KCNIP4: variants seen among roughly 807,000 people sequenced by gnomAD.
The protein encoded by KCNIP4 is Kv channel-interacting protein 4.
In KCNIP4, 12 loss-of-function variants were observed where a neutral mutation model predicts 34.0. The ratio of observed to expected loss-of-function variants is 0.35; its 90% CI spans 0.23 to 0.57. The LOEUF is 0.57. Among genes scored for constraint, KCNIP4 ranks in the 20% least tolerant of loss-of-function variants. The pLI is 0.83. For missense variants in KCNIP4, 238 were observed against 311.7 expected (o/e 0.76, Z 1.78); for synonymous variants, 124 against 102.2 (o/e 1.21, Z -1.29).
intron 4 of KCNIP4, among the ~76,000 whole-genome samples, chr4:20,754,298 A>G (rs1478933314): frequency 1.3e-5 from 2 of 152,198 alleles, no homozygotes; most frequent in African/African-American, 4.8e-5. Flanking sequence ...CACAATACAA[A>G]TTGCAGAGAG....
chr4:20,749,800 G>T, intron 4 of KCNIP4, 68 bp from the exon 5 acceptor site: 1 of 1,005,152 alleles, frequency 9.9e-7, no homozygotes, highest in Non-Finnish European at 1.5e-6. Flanking sequence ...TTGGATAGCA[G>T]TCCAAGCTTC....
intron 1 of KCNIP4, among the ~76,000 whole-genome samples, chr4:20,890,500 A>G (rs1725812256): frequency 1.3e-5 from 2 of 152,194 alleles, no homozygotes; most frequent in Middle Eastern, 3.2e-3. Flanking sequence ...TATATTAGGT[A>G]CTAATATATA....
intron 2 of KCNIP4, among the ~76,000 whole-genome samples, chr4:20,862,254 G>T (rs1020340102): frequency 1.8e-4 from 28 of 151,996 alleles, no homozygotes; most frequent in African/African-American, 6.3e-4. Context: ...CTCCCAAAGT[G>T]CTGGGATAAC....
chr4:21,150,467 C>G (rs1307763327), intron 1 of KCNIP4, among the ~76,000 whole-genome samples: 1 of 144,840 alleles, frequency 6.9e-6, no homozygotes, highest in African/African-American at 2.9e-5. Context: ...CTGGTTCCAA[C>G]CTGGGGACAC....
intron 1 of KCNIP4, among the ~76,000 whole-genome samples, chr4:21,829,561 G>A (rs1722858650): frequency 6.6e-6 from 1 of 151,762 alleles, no homozygotes; most frequent in Admixed American, 6.6e-5. Flanking sequence ...TAGAATACAA[G>A]GACTAAGAAA....
At chr4:21,408,248 G>A (rs1257762455) in intron 1 of KCNIP4, among the ~76,000 whole-genome samples, 1 of 152,176 alleles carries the variant, frequency 6.6e-6, no homozygotes, top group Admixed American at 6.5e-5. Context: ...TTGACATTCA[G>A]AGCCTTCCCA....
chr4:21,028,339 T>C, intron 1 of KCNIP4, among the ~76,000 whole-genome samples: 2 of 152,202 alleles, frequency 1.3e-5, no homozygotes, highest in East Asian at 3.9e-4. Context: ...TTGTCACCTC[T>C]CTACTCAAAA....
Position 21,685,571 on chromosome 4 carries a change from G to A in KCNIP4, c.61+263000C>T, listed in dbSNP as rs574801390. Among the ~76,000 whole-genome samples the A allele has an allele frequency of 2.8e-4, 42 of 152,276 alleles. 1 individual carries two copies. The South Asian group carries it at 7.2e-3, about 26-fold the overall frequency. Reference sequence around the variant, plus strand: ...GGAATGGGAGAGTAATAATCAGTACGTGGACCAATTAGCTGTTATGACCTT... The same window carrying A: ...GGAATGGGAGAGTAATAATCAGTACATGGACCAATTAGCTGTTATGACCTT... On this transcript the variant is annotated intron_variant, in intron 1 of 8. Transcript: ENST00000382152.
At chr4:21,648,280 T>C (rs1316931119) in intron 1 of KCNIP4, among the ~76,000 whole-genome samples, 1 of 152,152 alleles carries the variant, frequency 6.6e-6, no homozygotes, top group East Asian at 1.9e-4. Flanking sequence ...TAAAGCAATT[T>C]CTACTTTAAG....
chr4:21,947,904 C>A (rs1730594320), intron 1 of KCNIP4, among the ~76,000 whole-genome samples: 1 of 152,260 alleles, frequency 6.6e-6, no homozygotes. Context: ...CAAAACATTT[C>A]TCCCTGCTTT....
chr4:21,427,209 T>C (rs1025882361), intron 1 of KCNIP4, among the ~76,000 whole-genome samples: 1 of 152,136 alleles, frequency 6.6e-6, no homozygotes, highest in African/African-American at 2.4e-5. Context: ...AGGTATGATT[T>C]ACTTTTCCTA....
intron 1 of KCNIP4, among the ~76,000 whole-genome samples, chr4:21,389,823 A>G (rs1321057255): frequency 3.3e-5 from 5 of 152,092 alleles, no homozygotes; most frequent in South Asian, 2.1e-4. Flanking sequence ...ACCCAGTAAT[A>G]GGATGGCTGG....
chr4:20,823,145 T>C (rs973706180), intron 3 of KCNIP4, among the ~76,000 whole-genome samples: 2 of 152,118 alleles, frequency 1.3e-5, no homozygotes, highest in Non-Finnish European at 2.9e-5. Flanking sequence ...AAATAAATTA[T>C]GGTTTACCCA....
intron 1 of KCNIP4, among the ~76,000 whole-genome samples, chr4:21,141,097 G>A (rs1458685717): frequency 2.0e-5 from 3 of 152,172 alleles, no homozygotes; most frequent in Admixed American, 6.5e-5. Context: ...AAAATGTTAT[G>A]TTCATAGTAT....
At chr4:21,713,327 G>A (rs188290905) in intron 1 of KCNIP4, among the ~76,000 whole-genome samples, 47 of 152,262 alleles carry the variant, frequency 3.1e-4, no homozygotes, top group African/African-American at 1.1e-3. Context: ...AGAGTCAGGA[G>A]GAAGCATCTA....
At chr4:21,584,647 C>T (rs1194802392) in intron 1 of KCNIP4, among the ~76,000 whole-genome samples, 2 of 152,090 alleles carry the variant, frequency 1.3e-5, no homozygotes, top group Non-Finnish European at 2.9e-5. Flanking sequence ...GAGCAAGGCT[C>T]AGACTCAGAG....
intron 1 of KCNIP4, among the ~76,000 whole-genome samples, chr4:21,149,752 A>C (rs1261794712): frequency 6.6e-6 from 1 of 152,170 alleles, no homozygotes; most frequent in Non-Finnish European, 1.5e-5. Flanking sequence ...AAGTAAAGAA[A>C]AGAGGACGAT....
intron 1 of KCNIP4, among the ~76,000 whole-genome samples, chr4:21,083,213 A>T (rs1746151553): frequency 6.6e-6 from 1 of 151,666 alleles, no homozygotes; most frequent in Admixed American, 6.6e-5. Flanking sequence ...TTTATCCCTA[A>T]GGAAGATTCC....
intron 3 of KCNIP4, among the ~76,000 whole-genome samples, chr4:20,830,331 C>A (rs1578721998): frequency 2.0e-5 from 3 of 152,288 alleles, no homozygotes; most frequent in African/African-American, 7.2e-5. Flanking sequence ...AACCTCAAGG[C>A]AAGCTTGCTA....
Sources: allele counts gnomAD v4.1 joint callset (sites outside exome capture counted in the v4.1 genomes callset), GRCh38; gene constraint gnomAD v4.1.1; transcripts MANE v1.5; gene names NCBI Gene and HGNC (gene_info 2026-07-23, HGNC 2026-07-21).